Variants in NTNG1 observed in about 807,000 individuals in gnomAD.
NTNG1 encodes the protein netrin G1.
NTNG1 carries 16 observed loss-of-function variants against 54.0 expected under a neutral mutation model. The ratio of observed to expected loss-of-function variants is 0.30; its 90% CI spans 0.20 to 0.45. The LOEUF is 0.45. Ranked by LOEUF, NTNG1 falls within the 20% of genes least tolerant of loss-of-function variation. The pLI is 1.00. For missense variants in NTNG1, 530 were observed against 678.7 expected, an observed-to-expected ratio of 0.78 and a Z score of 2.43; for synonymous variants, 255 against 263.1, an observed-to-expected ratio of 0.97 and a Z score of 0.30.
intron 2 of NTNG1, among the ~76,000 whole-genome samples, chr1:107,219,199 T>C (rs1660177819): frequency 6.6e-6 from 1 of 151,990 alleles, no homozygotes. Flanking sequence ...CTTGTTCAAT[T>C]CTATTGCTGA....
At chr1:107,189,545 C>T (rs1657747628) in intron 2 of NTNG1, among the ~76,000 whole-genome samples, 1 of 150,794 alleles carries the variant, frequency 6.6e-6, no homozygotes, top group African/African-American at 2.4e-5. Context: ...TCATAGTTTG[C>T]CAATATCATT....
intron 5 of NTNG1, among the ~76,000 whole-genome samples, chr1:107,425,105 G>C (rs1201798176): frequency 2.0e-5 from 3 of 151,996 alleles, no homozygotes; most frequent in African/African-American, 7.2e-5. Context: ...AACTTCAAAT[G>C]AGACTTGTTT....
At chr1:107,171,707 C>T (rs1456523956) in intron 2 of NTNG1, among the ~76,000 whole-genome samples, 1 of 152,098 alleles carries the variant, frequency 6.6e-6, no homozygotes, top group Non-Finnish European at 1.5e-5. Flanking sequence ...TTTCTCTGCC[C>T]CTCACAGACA....
intron 2 of NTNG1, among the ~76,000 whole-genome samples, chr1:107,197,531 T>C (rs750630629): frequency 2.0e-5 from 3 of 151,928 alleles, no homozygotes; most frequent in Non-Finnish European, 2.9e-5. Flanking sequence ...TATGGAAGGG[T>C]CTTCAGATGC....
rs75896496 is a variant in NTNG1, at chr1:107,270,929, T to C, written c.247-53353T>C. Among the ~76,000 whole-genome samples the C allele has an allele frequency of 8.3e-4, 127 of 152,230 alleles. No individual in the cohort carries two copies. The East Asian group carries it at 0.015, about 19-fold the overall frequency. Reference sequence around the variant, plus strand: ...AACAATACACAACATATAGGATGATTCTGATGATAAAGGAATTAGACTACA... The same window carrying C: ...AACAATACACAACATATAGGATGATCCTGATGATAAAGGAATTAGACTACA... On this transcript the variant is annotated intron_variant, in intron 2 of 7. Transcript: ENST00000370068.
chr1:107,386,112 T>A, intron 3 of NTNG1, among the ~76,000 whole-genome samples: 1 of 146,462 alleles, frequency 6.8e-6, no homozygotes, highest in Non-Finnish European at 1.5e-5. Flanking sequence ...TATATACACA[T>A]ATATATACTT....
chr1:107,201,369 A>G (rs1057167511), intron 2 of NTNG1, among the ~76,000 whole-genome samples: 1 of 151,808 alleles, frequency 6.6e-6, no homozygotes, highest in South Asian at 2.1e-4. Context: ...TCTCGTGCCA[A>G]CTTGTTAAAT....
intron 3 of NTNG1, among the ~76,000 whole-genome samples, chr1:107,385,826 T>C (rs1220005220): frequency 6.6e-6 from 1 of 151,190 alleles, no homozygotes; most frequent in East Asian, 2.0e-4. Context: ...TGCCATACTT[T>C]TAAGAATTTT....
chr1:107,186,576 T>G (rs1657475602), intron 2 of NTNG1, among the ~76,000 whole-genome samples: 1 of 152,094 alleles, frequency 6.6e-6, no homozygotes, highest in Non-Finnish European at 1.5e-5. Context: ...GTAACTGCAG[T>G]TTTGTCATTA....
intron 2 of NTNG1, among the ~76,000 whole-genome samples, chr1:107,162,849 C>T (rs1307886766): frequency 6.6e-6 from 1 of 152,120 alleles, no homozygotes; most frequent in Non-Finnish European, 1.5e-5. Flanking sequence ...AACTGGAAGT[C>T]TTTTTGCTTA....
chr1:107,402,373 T>C, intron 4 of NTNG1, among the ~76,000 whole-genome samples: 1 of 152,172 alleles, frequency 6.6e-6, no homozygotes, highest in East Asian at 1.9e-4. Context: ...ACTCCCGCTC[T>C]TGAGACCATG....
At chr1:107,453,461 AG>A (rs1023646070) in intron 7 of NTNG1, among the ~76,000 whole-genome samples, 4 of 152,218 alleles carry the variant, frequency 2.6e-5, no homozygotes, top group Non-Finnish European at 4.4e-5. Flanking sequence ...TTCCCTCAGC[AG>A]GTATCTAGTT....
chr1:107,227,497 G>C (rs1030715576), intron 2 of NTNG1, among the ~76,000 whole-genome samples: 12 of 152,122 alleles, frequency 7.9e-5, no homozygotes, highest in African/African-American at 2.7e-4. Context: ...TCCTTCCTTA[G>C]GTTTGACTAG....
chr1:107,310,102 C>G (rs1289113299), intron 2 of NTNG1, among the ~76,000 whole-genome samples: 1 of 152,094 alleles, frequency 6.6e-6, no homozygotes, highest in African/African-American at 2.4e-5. Flanking sequence ...GATTCCTTCT[C>G]CATTTCAAAA....
intron 5 of NTNG1, among the ~76,000 whole-genome samples, chr1:107,420,889 A>T (rs1674531391): frequency 6.6e-6 from 1 of 152,044 alleles, no homozygotes; most frequent in South Asian, 2.1e-4. Context: ...TCTAAATTGT[A>T]TTACTGACAA....
intron 5 of NTNG1, among the ~76,000 whole-genome samples, chr1:107,417,678 G>T (rs2101214680): frequency 6.6e-6 from 1 of 152,148 alleles, no homozygotes; most frequent in South Asian, 2.1e-4. Context: ...TATGGACCTG[G>T]GTGGTACCAA....
chr1:107,394,143 G>A (rs1276616633), intron 3 of NTNG1, among the ~76,000 whole-genome samples: 1 of 151,980 alleles, frequency 6.6e-6, no homozygotes, highest in African/African-American at 2.4e-5. Context: ...TCTCCTATGT[G>A]TGGACCATCT....
intron 2 of NTNG1, among the ~76,000 whole-genome samples, chr1:107,321,762 A>G (rs943759961): frequency 6.6e-6 from 1 of 152,080 alleles, no homozygotes; most frequent in African/African-American, 2.4e-5. Flanking sequence ...GTGTTTCCTG[A>G]ACTTATTTGG....
At chr1:107,282,395 G>T (rs1405724511) in intron 2 of NTNG1, among the ~76,000 whole-genome samples, 1 of 152,058 alleles carries the variant, frequency 6.6e-6, no homozygotes, top group East Asian at 1.9e-4. Context: ...AGTGAGGTGG[G>T]TAGTGAATTT....
Sources: gnomAD v4.1 joint callset for allele counts (sites outside exome capture counted in the v4.1 genomes callset) on GRCh38, gnomAD v4.1.1 for gene constraint, MANE v1.5 for transcripts, NCBI Gene and HGNC (gene_info 2026-07-23, HGNC 2026-07-21) for gene names.